DHX58: variants seen among roughly 807,000 people sequenced by gnomAD.
The protein encoded by DHX58 is DExH-box helicase 58.
Under a neutral mutation model 65.0 loss-of-function variants are expected in DHX58, and 51 were observed. The ratio of observed to expected loss-of-function variants is 0.78; its 90% confidence interval spans 0.63 to 0.99. DHX58 has a LOEUF of 0.99. Ranked by LOEUF, DHX58 falls within the 50% of genes least tolerant of loss-of-function variation. The pLI is 0.00. For missense variants in DHX58, 773 were observed against 891.8 expected (o/e 0.87, Z 1.70); for synonymous variants, 350 against 365.0 (o/e 0.96, Z 0.47).
At chr17:42,111,233 C>T (rs1397971174) in intron 4 of DHX58, 63 bp downstream of exon 4, 1 of 1,567,454 alleles carries the variant, frequency 6.4e-7, no homozygotes, top group Non-Finnish European at 8.7e-7. Flanking sequence ...AGGAGGTGCC[C>T]TGGGGTTGGC....
In DHX58 at chr17:42,109,379, G is replaced by C. The variant is rs782601809; in HGVS notation, c.569C>G (p.Ala190Gly). 1.5e-5 allele frequency: 24 copies of C among 1,613,098 alleles called. No homozygotes were observed. The highest frequency in any genetic ancestry group is 1.7e-6 in the Non-Finnish European group (2 of 1,179,632). Residue 190 changes from alanine to glycine, a missense_variant, in exon 6 of 14, where the codon GCC (alanine) becomes GGC (glycine). Physicochemically the swap from Ala to Gly is moderately conservative, Grantham distance 60. Coordinates refer to ENST00000251642, the MANE Select transcript of DHX58 (RefSeq NM_024119.3). ...CATGATGCACCACGTGTCCAAGTTG[G>C]CACAGAGCTGGGGGCAACAGAGGAC... Reference protein sequence around the residue: ...GAINHVLQLCANLDTWCIMSP... With the variant: ...GAINHVLQLCGNLDTWCIMSP...
At position 42,111,795 on chromosome 17, in the gene DHX58, GC is replaced by G. The variant is rs1379143886; in HGVS notation, c.97del (p.Ala33ArgfsTer10). The part of the protein sequence containing the change: ...WLPTGAGKTR[A>X]AAYVAKRHLE... ...GTGCCGCTTGGCCACATAAGCAGCC[GC>G]CCGGGTCTTCCCGGCACCCGTGGGC... On this transcript the variant is annotated frameshift_variant, in exon 3 of 14. Coordinates refer to ENST00000251642, the MANE Select transcript of DHX58 (RefSeq NM_024119.3). LOFTEE classifies it high-confidence loss of function. The G allele has an allele frequency of 1.2e-6, 2 of 1,613,910 alleles. No individual in the cohort carries two copies. Among genetic ancestry groups the G allele is most frequent in the Non-Finnish European group, 1.7e-6 (2 of 1,179,962 alleles).
intron 6 of DHX58, 133 bp from the exon 7 acceptor site, chr17:42,108,241 A>T (rs1431752817): frequency 1.9e-5 from 26 of 1,398,316 alleles, no homozygotes; most frequent in Non-Finnish European, 2.3e-5. Context: ...TGAGCTCCAG[A>T]GGGAGGCCGG....
chr17:42,111,485 T>A lies in DHX58; in HGVS notation c.181A>T (p.Thr61Ser). The change falls in exon 4 of 14, where the codon ACC becomes TCC. Residue 61 changes from threonine to serine, a missense_variant. By Grantham distance (58) the Thr-to-Ser change is moderately conservative (BLOSUM62 1). Coordinates refer to ENST00000251642, the MANE Select transcript of DHX58 (RefSeq NM_024119.3). ...CGCCTGAACTCTTCACCATGCTGGG[T>A]CACCAGGTGCACCTGGGGGTGGAGA... The part of the protein sequence containing the change: ...VVLVNRVHLV[T>S]QHGEEFRRML... The A allele has an allele frequency of 4.3e-6, 7 of 1,613,930 alleles. No individual in the cohort carries two copies. Among genetic ancestry groups the A allele is most frequent in the Non-Finnish European group, 5.9e-6 (7 of 1,179,960 alleles).
At chr17:42,103,548 C>G in intron 12 of DHX58, 60 bp downstream of exon 12, 1 of 1,590,594 alleles carries the variant, frequency 6.3e-7, no homozygotes, top group Non-Finnish European at 8.6e-7. Flanking sequence ...CTTCAAAGCA[C>G]TGTCTGGATG....
intron 9 of DHX58, among the ~76,000 whole-genome samples, chr17:42,105,438 AG>A (rs1298304159): frequency 1.3e-5 from 2 of 151,966 alleles, no homozygotes; most frequent in African/African-American, 4.8e-5. Context: ...GTCTTCTGCA[AG>A]GGACCCCAGA....
chr17:42,103,885 T>C, intron 11 of DHX58, 87 bp from the exon 12 acceptor site: 2 of 1,422,234 alleles, frequency 1.4e-6, no homozygotes, highest in Non-Finnish European at 1.9e-6. Context: ...CTAAGATCAT[T>C]TGTACCTGGA....
At chr17:42,110,999 A>G in intron 4 of DHX58, 86 bp from the exon 5 acceptor site, 1 of 1,437,158 alleles carries the variant, frequency 7.0e-7, no homozygotes, top group Non-Finnish European at 9.4e-7. Context: ...CAATGATGTA[A>G]GAATTCCTTC....
intron 9 of DHX58, 96 bp downstream of exon 9, chr17:42,105,640 C>G: frequency 6.8e-7 from 1 of 1,480,910 alleles, no homozygotes; most frequent in Non-Finnish European, 8.9e-7. Context: ...CCCAGGGTCT[C>G]CCTGCCCCCA....
At chr17:42,112,066 G>T (rs577573082) in intron 2 of DHX58, 47 bp downstream of exon 2, 1 of 785,492 alleles carries the variant, frequency 1.3e-6, no homozygotes, top group Non-Finnish European at 1.9e-6. Context: ...AGGGGGAGGC[G>T]GGAGTAACAC....
At chr17:42,105,694 G>T in intron 9 of DHX58, 42 bp downstream of exon 9, 1 of 1,522,654 alleles carries the variant, frequency 6.6e-7, no homozygotes. Context: ...TCTCTCCTAT[G>T]GAATCCCTCC....
rs1555663119 is a variant in DHX58, at chr17:42,107,807, G to A, written c.806-12C>T. On this transcript the variant is annotated splice_polypyrimidine_tract_variant and intron_variant, in intron 7 of 13. Coordinates refer to ENST00000251642, the MANE Select transcript of DHX58 (RefSeq NM_024119.3). ...CCCAGCCAAAGCCGCTGCGGGAAGA[G>A]GGCGCAGGGTCTGAGCAGCCCACAG... The A allele has an allele frequency of 6.4e-7, 1 of 1,562,036 alleles. No individual in the cohort carries two copies. The highest frequency in any genetic ancestry group is 8.7e-7 in the Non-Finnish European group (1 of 1,152,676).
In DHX58 at chr17:42,105,855, G is replaced by A. The variant is rs1301402260; in HGVS notation, c.1132C>T (p.Gln378Ter). The change falls in exon 9 of 14, where the codon CAA becomes TAA. Residue 378 changes from glutamine to a stop codon, truncating the protein, a stop_gained. Transcript: ENST00000251642. LOFTEE classifies it high-confidence loss of function. The part of the protein sequence containing the change: ...PRGIIFTRTR[Q>*]SAHSLLLWLQ... ...CAGAGCAGGAGGGAGTGTGCGCTTT[G>A]GCGGGTGCGGGTGAAGATGATACCC... 1 of 1,613,918 alleles carries A rather than the reference G, an allele frequency of 6.2e-7. No homozygotes were observed. The highest frequency in any genetic ancestry group is 2.2e-5 in the East Asian group (1 of 44,904).
intron 13 of DHX58, 112 bp from the exon 14 acceptor site, chr17:42,102,058 A>G (rs1228531753): frequency 6.9e-7 from 1 of 1,452,374 alleles, no homozygotes; most frequent in African/African-American, 1.4e-5. Flanking sequence ...CTGAGATGTC[A>G]CAGACTGTGG....
chr17:42,110,601 C>A (rs1049472271), intron 5 of DHX58, 122 bp downstream of exon 5: 2 of 1,137,980 alleles, frequency 1.8e-6, no homozygotes, highest in Non-Finnish European at 2.4e-6. Flanking sequence ...GAGGAAGGGG[C>A]CAGACCCTGC....
rs781926543 is a variant in DHX58 at position 42,110,933 on chromosome 17, G to C, written c.371-20C>G. 6.4e-7 allele frequency: 1 copy of C among 1,571,046 alleles called. No individual in the cohort carries two copies. Among genetic ancestry groups the C allele is most frequent in the African/African-American group, 1.4e-5 (1 of 73,688 alleles). ...AGAAGACTGAGGGCACAGGGGGGAA[G>C]GCTGTGACCTATGTTTGCAAAGCCC... is the stretch of plus-strand genomic sequence containing the variant. On this transcript the variant is annotated intron_variant, in intron 4 of 13. Transcript: ENST00000251642.
At position 42,103,753 on chromosome 17, in the gene DHX58, C is replaced by T. The variant is rs1555662011; in HGVS notation, c.1609G>A (p.Ala537Thr). The stretch of plus-strand genomic sequence containing the variant: ...TGCCGCTGGTTCTCCCGCTGGGCTG[C>T]CTGGGCCGCCCGCTTGGTCAAGGCT... ...QAALTKRAAQ[A>T]AQRENQRQQF... The change falls in exon 12 of 14, where the codon GCA (alanine) becomes ACA (threonine). Residue 537 changes from alanine (A) to threonine (T), a missense_variant. By Grantham distance (58) the Ala-to-Thr change is moderately conservative (BLOSUM62 0). Coordinates refer to ENST00000251642, the MANE Select transcript of DHX58 (RefSeq NM_024119.3). 2 of 1,611,896 alleles carry T rather than the reference C, an allele frequency of 1.2e-6. No homozygotes were observed. Among genetic ancestry groups the T allele is most frequent in the Admixed American group, 3.3e-5 (2 of 60,024 alleles).
At chr17:42,106,818 AC>A (rs1203203442) in intron 8 of DHX58, among the ~76,000 whole-genome samples, 1 of 151,206 alleles carries the variant, frequency 6.6e-6, no homozygotes, top group East Asian at 1.9e-4. Context: ...AAAAACAAAA[AC>A]AAAAAAGGAT....
Position 42,107,808 on chromosome 17 carries a change from G to T in DHX58, c.806-13C>A. ...CCAGCCAAAGCCGCTGCGGGAAGAG[G>T]GCGCAGGGTCTGAGCAGCCCACAGC... On this transcript the variant is annotated splice_polypyrimidine_tract_variant and intron_variant, in intron 7 of 13. Coordinates refer to ENST00000251642, the MANE Select transcript of DHX58 (RefSeq NM_024119.3). 6.4e-7 allele frequency: 1 copy of T among 1,561,642 alleles called. No homozygotes were observed. The highest frequency in any genetic ancestry group is 8.7e-7 in the Non-Finnish European group (1 of 1,152,434).
Sources: gnomAD v4.1 joint callset for allele counts (sites outside exome capture counted in the v4.1 genomes callset) on GRCh38, gnomAD v4.1.1 for gene constraint, MANE v1.5 for transcripts, NCBI Gene and HGNC (gene_info 2026-07-23, HGNC 2026-07-21) for gene names.